SLN: variants seen among roughly 807,000 people sequenced by gnomAD.
SLN encodes the protein sarcolipin.
For missense variants in SLN, 34 were observed against 37.4 expected, an observed-to-expected ratio of 0.91 and a Z score of 0.24; for synonymous variants, 19 against 14.4, an observed-to-expected ratio of 1.32 and a Z score of -0.72.
chr11:107,708,049 T>C, intron 1 of SLN, 44 bp from the exon 2 acceptor site: 1 of 730,942 alleles, frequency 1.4e-6, no homozygotes, highest in Non-Finnish European at 2.5e-6. Context: ...TTAATGGGCA[T>C]TCCTGTATAA....
At chr11:107,709,004 C>T (rs1369271884) in intron 1 of SLN, among the ~76,000 whole-genome samples, 2 of 152,200 alleles carry the variant, frequency 1.3e-5, no homozygotes, top group African/African-American at 4.8e-5. Context: ...AACAGGCATT[C>T]AGCCGAAAGA....
chr11:107,709,133 T>A (rs978897074), intron 1 of SLN, among the ~76,000 whole-genome samples: 50 of 152,244 alleles, frequency 3.3e-4, no homozygotes, highest in African/African-American at 1.2e-3. Flanking sequence ...GGTATCTTCA[T>A]AGTATGTACA....
At chr11:107,709,901 T>G (rs1867195223) in intron 1 of SLN, among the ~76,000 whole-genome samples, 4 of 152,218 alleles carry the variant, frequency 2.6e-5, no homozygotes, top group Non-Finnish European at 5.9e-5. Flanking sequence ...GAGGATCACT[T>G]GAGCCTAGGA....
chr11:107,709,433 A>G (rs1212738645), intron 1 of SLN, among the ~76,000 whole-genome samples: 2 of 152,194 alleles, frequency 1.3e-5, no homozygotes, highest in East Asian at 3.9e-4. Flanking sequence ...TTTTTAAACT[A>G]TCTAGCATGA....
intron 1 of SLN, 39 bp from the exon 2 acceptor site, chr11:107,708,044 G>T: frequency 1.3e-6 from 1 of 743,194 alleles, no homozygotes; most frequent in South Asian, 1.5e-5. Flanking sequence ...GGAGATTAAT[G>T]GGCATTCCTG....
intron 1 of SLN, among the ~76,000 whole-genome samples, chr11:107,709,233 T>C (rs1867186071): frequency 6.6e-6 from 1 of 152,240 alleles, no homozygotes; most frequent in Admixed American, 6.5e-5. Flanking sequence ...AATTGCACAT[T>C]ATTTATGCAG....
intron 1 of SLN, 113 bp from the exon 2 acceptor site, chr11:107,708,118 G>A (rs1867175183): frequency 5.0e-6 from 3 of 594,518 alleles, no homozygotes; most frequent in Admixed American, 5.9e-5. Flanking sequence ...GAGTGTGATG[G>A]GCTAAATTGT....
In SLN at chr11:107,711,965, G is replaced by C. The variant is rs1202082851; in HGVS notation, c.-78C>G. ...AAGCATAAAAATCCTGCAGTTACCT[G>C]AAGAGGATCAAAGACACACCCTGGC... On this transcript the variant is annotated splice_region_variant and 5_prime_UTR_variant, in exon 1 of 2. Transcript: ENST00000305991. The C allele has an allele frequency of 6.6e-6, 1 of 152,110 alleles. No individual in the cohort carries two copies. Among genetic ancestry groups the C allele is most frequent in the African/African-American group, 2.4e-5 (1 of 41,386 alleles). The allele number at this position is 152,110 out of a possible 1,614,324, so 9.4% of individuals were successfully genotyped here. A position where few individuals can be genotyped will look rare whatever the true frequency, so the allele number is the denominator to read the frequency against.
At chr11:107,708,261 C>T (rs1867176405) in intron 1 of SLN, among the ~76,000 whole-genome samples, 1 of 152,012 alleles carries the variant, frequency 6.6e-6, no homozygotes, top group African/African-American at 2.4e-5. Context: ...TCCAATATGA[C>T]TAGTGTCTTT....
intron 1 of SLN, among the ~76,000 whole-genome samples, chr11:107,711,391 G>C (rs1867208212): frequency 6.6e-6 from 1 of 152,122 alleles, no homozygotes; most frequent in Admixed American, 6.6e-5. Flanking sequence ...GAAGAGTTAA[G>C]GTGAGAATTT....
intron 1 of SLN, among the ~76,000 whole-genome samples, chr11:107,708,828 G>A (rs926544348): frequency 2.0e-5 from 3 of 152,178 alleles, no homozygotes; most frequent in Non-Finnish European, 2.9e-5. Flanking sequence ...TTCTTGCTTT[G>A]AATTACATAG....
chr11:107,711,558 CT>C (rs1470327836), intron 1 of SLN, among the ~76,000 whole-genome samples: 1 of 152,146 alleles, frequency 6.6e-6, no homozygotes, highest in Non-Finnish European at 1.5e-5. Context: ...AATAAAGACA[CT>C]TTGGGTTTCA....
chr11:107,707,814 C>T lies in SLN; in HGVS notation c.*21G>A. The stretch of plus-strand genomic sequence containing the variant: ...CAGCTCCGGAGCATCTCAGTCAATC[C>T]CAGGACCATGGCATGGCCTCTCAGT... On this transcript the variant is annotated 3_prime_UTR_variant, in exon 2 of 2. Coordinates refer to ENST00000305991, the MANE Select transcript of SLN (RefSeq NM_003063.3). The T allele has an allele frequency of 6.3e-7, 1 of 1,584,200 alleles. No homozygotes were observed. The highest frequency in any genetic ancestry group is 8.7e-7 in the Non-Finnish European group (1 of 1,153,462).
chr11:107,709,872 C>T (rs1867194667), intron 1 of SLN, among the ~76,000 whole-genome samples: 1 of 150,976 alleles, frequency 6.6e-6, no homozygotes, highest in African/African-American at 2.4e-5. Context: ...AATCCCAGCC[C>T]TTTGGGAGGC....
At chr11:107,710,823 AACTCAAATG>A (rs1275841507) in intron 1 of SLN, among the ~76,000 whole-genome samples, 2 of 152,372 alleles carry the variant, frequency 1.3e-5, no homozygotes. Context: ...AACTGGAAAC[AACTCAAATG>A]TTTATCAACA....
chr11:107,710,908 G>T (rs2135743573), intron 1 of SLN, among the ~76,000 whole-genome samples: 1 of 152,258 alleles, frequency 6.6e-6, no homozygotes, highest in East Asian at 1.9e-4. Flanking sequence ...GAAAATATAT[G>T]AACTATAGCT....
rs924699277 is a variant in SLN, at chr11:107,712,046, C to A, written c.-159G>T. The A allele has an allele frequency of 3.9e-5, 6 of 152,302 alleles. No homozygotes were observed. The highest frequency in any genetic ancestry group is 1.2e-4 in the African/African-American group (5 of 41,458). The allele number at this position is 152,302 out of a possible 1,614,324, so 9.4% of individuals were successfully genotyped here. On this transcript the variant is annotated 5_prime_UTR_variant, in exon 1 of 2. Coordinates refer to ENST00000305991, the MANE Select transcript of SLN (RefSeq NM_003063.3). ...TTGAGCTCCAACTCCTTCTCCCCTC[C>A]CAGGCTGTCTGGACTCCTGGACTCT...
At chr11:107,709,570 G>C (rs1192616496) in intron 1 of SLN, among the ~76,000 whole-genome samples, 3 of 152,160 alleles carry the variant, frequency 2.0e-5, no homozygotes, top group African/African-American at 7.2e-5. Context: ...GGTTCAGCCA[G>C]GCATGGCAGT....
At chr11:107,708,359 A>C (rs1364217450) in intron 1 of SLN, among the ~76,000 whole-genome samples, 1 of 152,118 alleles carries the variant, frequency 6.6e-6, no homozygotes, top group Non-Finnish European at 1.5e-5. Context: ...AGCCAAAGAA[A>C]GGACTCAGAA....
Sources: allele counts gnomAD v4.1 joint callset (sites outside exome capture counted in the v4.1 genomes callset), GRCh38; gene constraint gnomAD v4.1.1; transcripts MANE v1.5; gene names NCBI Gene and HGNC (gene_info 2026-07-23, HGNC 2026-07-21).